The following IPO8 variants were observed in gnomAD, a reference collection of about 807,000 sequenced individuals.
The protein encoded by IPO8 is importin-8.
A neutral mutation model predicts 141.2 loss-of-function variants in IPO8; 65 were observed. The ratio of observed to expected loss-of-function variants is 0.46; its 90% CI spans 0.38 to 0.57. The LOEUF is 0.57. Ranked by LOEUF, IPO8 falls within the 20% of genes least tolerant of loss-of-function variation. The probability of loss-of-function intolerance (pLI) is 0.00; values close to 1 mark genes in which losing one functional copy is unlikely to be tolerated. For synonymous variants in IPO8, 411 were observed against 420.3 expected (o/e 0.98, Z 0.27); for missense variants, 980 against 1,246.8 (o/e 0.79, Z 3.22).
intron 20 of IPO8, among the ~76,000 whole-genome samples, chr12:30,646,454 C>T (rs1409075046): frequency 6.6e-6 from 1 of 152,166 alleles, no homozygotes. Flanking sequence ...TGAGATGTCT[C>T]TTTTCATCAT....
At chr12:30,639,854 G>T in intron 20 of IPO8, 119 bp from the exon 21 acceptor site, 1 of 681,654 alleles carries the variant, frequency 1.5e-6, no homozygotes, top group Non-Finnish European at 2.6e-6. Flanking sequence ...TGAGACTTTT[G>T]ACTAAATCAT....
chr12:30,660,875 T>G (rs2052874883), intron 16 of IPO8, among the ~76,000 whole-genome samples: 1 of 151,762 alleles, frequency 6.6e-6, no homozygotes, highest in Non-Finnish European at 1.5e-5. Context: ...ATAGCAGATA[T>G]GATTAACTGA....
At chr12:30,651,354 C>T (rs1005342315) in intron 19 of IPO8, among the ~76,000 whole-genome samples, 40 of 152,224 alleles carry the variant, frequency 2.6e-4, no homozygotes, top group African/African-American at 9.1e-4. Context: ...GAGACCTAGA[C>T]CTAAACCAGA....
chr12:30,668,058 A>T (rs998768875), intron 10 of IPO8, among the ~76,000 whole-genome samples: 1 of 118,812 alleles, frequency 8.4e-6, no homozygotes, highest in African/African-American at 3.2e-5. Context: ...GGAACAAAAA[A>T]AAGAGAGAGA....
rs2053336052 is a variant in IPO8 at position 30,695,861 on chromosome 12, C to T, written c.-214G>A. 5.8e-6 allele frequency: 3 copies of T among 514,878 alleles called. No homozygotes were observed. The highest frequency in any genetic ancestry group is 5.0e-5 in the South Asian group (2 of 40,226). 31.9% of individuals were successfully genotyped at this position (514,878 alleles called of 1,614,324 possible). On this transcript the variant is annotated 5_prime_UTR_variant, in exon 1 of 25. It adds an upstream start codon to the 5' untranslated region. Transcript: ENST00000256079. The surrounding 1 kb of genome is among the most constrained non-coding windows in gnomAD (Gnocchi z 4.2). ...CCCCCCACAACTCGCTCTCCATTCA[C>T]CGTTTTACGACAGCCGGTGGGAGGC...
chr12:30,663,523 A>C lies in IPO8; in HGVS notation c.1560T>G (p.Leu520=). The change falls in exon 14 of 25, where the codon CTT becomes CTG. Residue 520 remains leucine, a synonymous_variant. Coordinates refer to ENST00000256079, the MANE Select transcript of IPO8 (RefSeq NM_006390.4). ...GGTTAGAAATTAAAGACTGAAGAGCAAGGGCAGCTTCAACTTTGACAGGCA... is the reference window on the plus strand; with the variant it reads ...GGTTAGAAATTAAAGACTGAAGAGCCAGGGCAGCTTCAACTTTGACAGGCA... ...KEMPVKVEAA[L]ALQSLISNQI... is the part of the protein sequence containing the mutation. 1 of 1,613,644 alleles carries C rather than the reference A, an allele frequency of 6.2e-7. No individual in the cohort carries two copies. Among genetic ancestry groups the C allele is most frequent in the Non-Finnish European group, 8.5e-7 (1 of 1,179,814 alleles).
chr12:30,674,652 T>C lies in IPO8; in HGVS notation c.824+7A>G, dbSNP rs142168065. ...TATGATCATCAATGTAATAAACAGA[T>C]AATTACCGTTCAAAGAGCCGAGCTA... On this transcript the variant is annotated splice_region_variant and intron_variant, in intron 7 of 24. Coordinates refer to ENST00000256079, the MANE Select transcript of IPO8 (RefSeq NM_006390.4). The C allele has an allele frequency of 7.1e-4, 1,130 of 1,581,258 alleles. 14 individuals carry two copies. In the African/African-American group the frequency reaches 9.6e-3, roughly 13 times the overall value.
At chr12:30,633,696 T>A (rs2052463906) in intron 23 of IPO8, among the ~76,000 whole-genome samples, 1 of 152,232 alleles carries the variant, frequency 6.6e-6, no homozygotes, top group African/African-American at 2.4e-5. Context: ...CTAGGGATTG[T>A]GAATAACTAG....
At chr12:30,694,194 G>A (rs1565513165) in intron 1 of IPO8, among the ~76,000 whole-genome samples, 2 of 152,080 alleles carry the variant, frequency 1.3e-5, no homozygotes, top group Non-Finnish European at 2.9e-5. Context: ...CTAACCCCTG[G>A]ATTACTATTC....
At chr12:30,681,180 T>C (rs1358284942) in intron 4 of IPO8, among the ~76,000 whole-genome samples, 1 of 152,190 alleles carries the variant, frequency 6.6e-6, no homozygotes, top group Non-Finnish European at 1.5e-5. Context: ...TATACACATG[T>C]AGCAATCTTC....
chr12:30,672,145 C>A (rs1453411666), intron 8 of IPO8, among the ~76,000 whole-genome samples: 3 of 152,154 alleles, frequency 2.0e-5, no homozygotes, highest in Non-Finnish European at 4.4e-5. Flanking sequence ...TTCTTCACTA[C>A]AGTAAGTTGC....
intron 13 of IPO8, among the ~76,000 whole-genome samples, 177 bp downstream of exon 13, chr12:30,665,042 TA>T (rs1458524333): frequency 6.6e-6 from 1 of 152,214 alleles, no homozygotes; most frequent in African/African-American, 2.4e-5. Context: ...GCCCAGCCTA[TA>T]AATCTTTTTC....
At chr12:30,672,723 C>A (rs890074472) in intron 8 of IPO8, among the ~76,000 whole-genome samples, 6 of 152,172 alleles carry the variant, frequency 3.9e-5, no homozygotes, top group Non-Finnish European at 7.3e-5. Flanking sequence ...AGATGACCAG[C>A]TTCCTGATTG....
intron 8 of IPO8, among the ~76,000 whole-genome samples, chr12:30,673,451 T>C (rs1179004260): frequency 6.6e-6 from 1 of 152,204 alleles, no homozygotes; most frequent in Non-Finnish European, 1.5e-5. Flanking sequence ...TTTGTAGCTT[T>C]TAAAATTTTT....
Position 30,644,331 on chromosome 12 carries a change from A to AC in IPO8, c.2269-4597_2269-4596insG, listed in dbSNP as rs2052612169. ...GGTTACCATGAGATACGACTGCACC[A>AC]TTGCACTCCAGCCTAGGCAAAAGAG... On this transcript the variant is annotated intron_variant, in intron 20 of 24. Transcript: ENST00000256079. 2.0e-5 allele frequency among the ~76,000 whole-genome samples: 3 copies of AC among 151,506 alleles called. No homozygotes were observed. In the South Asian group the frequency reaches 6.2e-4, roughly 32 times the overall value.
intron 20 of IPO8, among the ~76,000 whole-genome samples, chr12:30,643,947 T>C (rs1414750375): frequency 6.6e-6 from 1 of 152,216 alleles, no homozygotes; most frequent in Admixed American, 6.5e-5. Flanking sequence ...CAGAACTAAA[T>C]ACTTCTTTAG....
chr12:30,652,851 G>A, intron 18 of IPO8, 116 bp downstream of exon 18: 1 of 1,013,450 alleles, frequency 9.9e-7, no homozygotes, highest in East Asian at 2.6e-5. Flanking sequence ...ATGTGACCGG[G>A]AAATAAAAAC....
chr12:30,692,142 C>T (rs1591848778), intron 1 of IPO8, among the ~76,000 whole-genome samples: 1 of 152,262 alleles, frequency 6.6e-6, no homozygotes, highest in African/African-American at 2.4e-5. Context: ...AAGATTAAAA[C>T]ATCTATATAG....
At chr12:30,679,843 A>G (rs1423952060) in intron 5 of IPO8, among the ~76,000 whole-genome samples, 1 of 152,208 alleles carries the variant, frequency 6.6e-6, no homozygotes, top group Non-Finnish European at 1.5e-5. Flanking sequence ...GAAAACAATT[A>G]TTCTTCCTCC....
Sources: allele counts gnomAD v4.1 joint callset (sites outside exome capture counted in the v4.1 genomes callset), GRCh38; gene constraint gnomAD v4.1.1; non-coding constraint Gnocchi (gnomAD v3.1); transcripts MANE v1.5; gene names NCBI Gene and HGNC (gene_info 2026-07-23, HGNC 2026-07-21).